Variants in ZHX3 observed in about 807,000 individuals in gnomAD.
The protein encoded by ZHX3 is zinc fingers and homeoboxes protein 3.
A neutral mutation model predicts 64.5 loss-of-function variants in ZHX3; 20 were observed. The ratio of observed to expected loss-of-function variants is 0.31; its 90% CI spans 0.22 to 0.45. The LOEUF (loss-of-function observed/expected upper bound fraction) is 0.45, where lower values mean the gene tolerates loss of function less well. ZHX3 is among the 20% of genes least tolerant of loss of function. The pLI is 1.00. For missense variants in ZHX3, 1,041 were observed against 1,195.8 expected (o/e 0.87, Z 1.91); for synonymous variants, 423 against 461.6 (o/e 0.92, Z 1.07).
rs577964026 is a variant in ZHX3 at position 41,202,513 on chromosome 20, C to T, written c.2404G>A (p.Gly802Ser). Residue 802 changes from glycine (G) to serine (S), a missense_variant, in exon 3 of 4, where the codon GGT (glycine) becomes AGT (serine). Transcript: ENST00000683867. This position sits in a 1 kb window ranked among gnomAD's most constrained non-coding sequence, Gnocchi z 7.0. ...CGCACCACCTCTGGCCGTGGCAGAC[C>T]CGTCTGGGCCATGATGGAGTCATAG... ...QDYDSIMAQT[G>S]LPRPEVVRWF... 1 of 1,614,158 alleles carries T rather than the reference C, an allele frequency of 6.2e-7. No individual in the cohort carries two copies. The highest frequency in any genetic ancestry group is 1.1e-5 in the South Asian group (1 of 91,072).
At chr20:41,206,946 A>T (rs1366680659) in intron 2 of ZHX3, among the ~76,000 whole-genome samples, 1 of 152,218 alleles carries the variant, frequency 6.6e-6, no homozygotes, top group Non-Finnish European at 1.5e-5. Context: ...ATAACAGCGG[A>T]TCTCTCGGCA....
chr20:41,284,989 C>T (rs1487859024), intron 1 of ZHX3, among the ~76,000 whole-genome samples: 2 of 152,142 alleles, frequency 1.3e-5, no homozygotes, highest in Admixed American at 1.3e-4. Flanking sequence ...CATCCCTTGA[C>T]TTCGTACACT....
rs555883542 is a variant in ZHX3, at chr20:41,302,053, CAAAAAAAAAAA to C, written c.-245+15445_-245+15455del. On this transcript the variant is annotated intron_variant, in intron 1 of 3. Transcript: ENST00000683867. ...TGGGCGACGGAGCGAGACTCCATCT[CAAAAAAAAAAA>C]AAAAAAAAAAAAAAAAAAGGAACAG... is the stretch of plus-strand genomic sequence containing the variant. 7.6e-3 allele frequency among the ~76,000 whole-genome samples: 471 copies of C among 62,372 alleles called. 4 individuals are homozygous for C. Among genetic ancestry groups the C allele is most frequent in the Non-Finnish European group, 0.012 (383 of 31,460 alleles). 40.9% of individuals were successfully genotyped at this position (62,372 alleles called of 152,430 possible).
chr20:41,196,433 AATAT>A (rs1261442279), intron 3 of ZHX3, among the ~76,000 whole-genome samples: 1 of 5,566 alleles, frequency 1.8e-4, no homozygotes, highest in Non-Finnish European at 3.1e-4. Context: ...TATTTATATA[AATAT>A]ATATATTATA....
chr20:41,316,770 A>G (rs2045300358), intron 1 of ZHX3: 1 of 152,266 alleles, frequency 6.6e-6, no homozygotes, highest in Admixed American at 6.5e-5. Flanking sequence ...CCTAAGTCCT[A>G]CATCCCATCC....
intron 1 of ZHX3, among the ~76,000 whole-genome samples, chr20:41,311,926 A>G (rs2045148827): frequency 6.6e-6 from 1 of 152,266 alleles, no homozygotes; most frequent in Admixed American, 6.5e-5. Flanking sequence ...CTCTGGGCAG[A>G]GCACTGGGTG....
chr20:41,235,470 T>C (rs1037882356), intron 2 of ZHX3, among the ~76,000 whole-genome samples: 5 of 152,106 alleles, frequency 3.3e-5, no homozygotes, highest in Admixed American at 1.3e-4. Flanking sequence ...GTTCAACATA[T>C]GCAAATCAAT....
In ZHX3 at chr20:41,226,543, T is replaced by C. The variant is rs1048934425; in HGVS notation, c.-150-21477A>G. On this transcript the variant is annotated intron_variant, in intron 2 of 3. Coordinates refer to ENST00000683867, the MANE Select transcript of ZHX3 (RefSeq NM_001384317.1). The surrounding 1 kb of genome is among the most constrained non-coding windows in gnomAD (Gnocchi z 4.4). Reference sequence around the variant, plus strand: ...CTTTGGGATCTTATTTTTTATTCTTTTGGGTATACACTTTTTCTTGTTTAA... The same window carrying C: ...CTTTGGGATCTTATTTTTTATTCTTCTGGGTATACACTTTTTCTTGTTTAA... Among the ~76,000 whole-genome samples the C allele has an allele frequency of 6.6e-6, 1 of 152,188 alleles. No individual in the cohort carries two copies. Among genetic ancestry groups the C allele is most frequent in the Non-Finnish European group, 1.5e-5 (1 of 68,040 alleles).
At chr20:41,230,364 CCTCTT>C (rs1252675865) in intron 2 of ZHX3, among the ~76,000 whole-genome samples, 1 of 152,086 alleles carries the variant, frequency 6.6e-6, no homozygotes, top group Non-Finnish European at 1.5e-5. Flanking sequence ...AAGCTCCTCT[CCTCTT>C]GTGTTTATCA....
chr20:41,272,665 A>G (rs945152107), intron 1 of ZHX3, among the ~76,000 whole-genome samples: 16 of 152,328 alleles, frequency 1.1e-4, no homozygotes, highest in East Asian at 7.7e-4. Context: ...TTCACTCTGC[A>G]TAATGTTTCA....
rs1425190183 is a variant in ZHX3 at position 41,232,879 on chromosome 20, C to A, written c.-150-27813G>T. 6.6e-6 allele frequency among the ~76,000 whole-genome samples: 1 copy of A among 152,184 alleles called. No homozygotes were observed. Among genetic ancestry groups the A allele is most frequent in the African/African-American group, 2.4e-5 (1 of 41,454 alleles). On this transcript the variant is annotated intron_variant, in intron 2 of 3. Coordinates refer to ENST00000683867, the MANE Select transcript of ZHX3 (RefSeq NM_001384317.1). The surrounding 1 kb of genome is among the most constrained non-coding windows in gnomAD (Gnocchi z 5.0). ...GGATTACAGGCATGAGCCACCACGCCCGGCTGGAAAATTCTTGATATGTAT... is the reference window on the plus strand; with the variant it reads ...GGATTACAGGCATGAGCCACCACGCACGGCTGGAAAATTCTTGATATGTAT...
rs566295873 is a variant in ZHX3, at chr20:41,237,327, G to A, written c.-151+31663C>T. On this transcript the variant is annotated intron_variant, in intron 2 of 3. Coordinates refer to ENST00000683867, the MANE Select transcript of ZHX3 (RefSeq NM_001384317.1). ...ACACATGCACATGTATGTTTATTGCGGCACTATTCACAATAACAAAGACTT... is the reference window on the plus strand; with the variant it reads ...ACACATGCACATGTATGTTTATTGCAGCACTATTCACAATAACAAAGACTT... 9.9e-5 allele frequency among the ~76,000 whole-genome samples: 15 copies of A among 152,192 alleles called. No individual in the cohort carries two copies. The East Asian group carries it at 2.1e-3, about 21-fold the overall frequency.
At chr20:41,275,911 A>G (rs2043356212) in intron 1 of ZHX3, among the ~76,000 whole-genome samples, 1 of 152,260 alleles carries the variant, frequency 6.6e-6, no homozygotes, top group South Asian at 2.1e-4. Flanking sequence ...AATACAAAAA[A>G]TAAAAATAAA....
At chr20:41,256,872 C>T (rs528880815) in intron 2 of ZHX3, among the ~76,000 whole-genome samples, 1 of 151,776 alleles carries the variant, frequency 6.6e-6, no homozygotes, top group Admixed American at 6.6e-5. Context: ...GGACTTTTAG[C>T]GTCCACATCA....
chr20:41,239,312 A>G (rs1259374810), intron 2 of ZHX3, among the ~76,000 whole-genome samples: 1 of 151,914 alleles, frequency 6.6e-6, no homozygotes, highest in Non-Finnish European at 1.5e-5. Flanking sequence ...CCTGGCCAAT[A>G]AGGGCCTATT....
chr20:41,240,099 C>T lies in ZHX3; in HGVS notation c.-151+28891G>A, dbSNP rs578110512. ...GCAACCTCTGCCTCCCAGGTTTAAG[C>T]GATTCTCCTGCCTCAGCCTTCCAAG... On this transcript the variant is annotated intron_variant, in intron 2 of 3. Coordinates refer to ENST00000683867, the MANE Select transcript of ZHX3 (RefSeq NM_001384317.1). Among the ~76,000 whole-genome samples, 119 of 152,130 alleles carry T rather than the reference C, an allele frequency of 7.8e-4. 2 individuals carry two copies. The highest frequency in any genetic ancestry group is 2.7e-3 in the African/African-American group (114 of 41,506).
chr20:41,300,466 C>T (rs1018052961), intron 1 of ZHX3, among the ~76,000 whole-genome samples: 6 of 152,278 alleles, frequency 3.9e-5, no homozygotes, highest in South Asian at 2.1e-4. Flanking sequence ...TGGCTTTCAC[C>T]TGAACTGGAG....
At chr20:41,207,761 A>G (rs1197726152) in intron 2 of ZHX3, among the ~76,000 whole-genome samples, 3 of 152,222 alleles carry the variant, frequency 2.0e-5, no homozygotes, top group Non-Finnish European at 4.4e-5. Flanking sequence ...TAAAATTGAC[A>G]CCCTAACATC....
chr20:41,188,829 C>T (rs1044356940), intron 3 of ZHX3, among the ~76,000 whole-genome samples: 8 of 152,124 alleles, frequency 5.3e-5, no homozygotes, highest in African/African-American at 1.9e-4. Flanking sequence ...CTGATTATTT[C>T]CTTTGCTATG....
Sources: gnomAD v4.1 joint callset for allele counts (sites outside exome capture counted in the v4.1 genomes callset) on GRCh38, gnomAD v4.1.1 for gene constraint, Gnocchi (gnomAD v3.1) non-coding constraint, MANE v1.5 for transcripts, NCBI Gene and HGNC (gene_info 2026-07-23, HGNC 2026-07-21) for gene names.